The following IQSEC3 variants were observed in gnomAD, a reference collection of about 807,000 sequenced individuals.
IQSEC3 encodes IQ motif and Sec7 domain ArfGEF 3.
Under a neutral mutation model 105.4 loss-of-function variants are expected in IQSEC3, and 50 were observed. That is an observed-to-expected ratio of 0.47 (90% CI 0.38 to 0.60). The LOEUF (loss-of-function observed/expected upper bound fraction) is 0.60. Ranked by LOEUF, IQSEC3 falls within the 20% of genes least tolerant of loss-of-function variation. The probability of loss-of-function intolerance (pLI) is 0.00; values close to 1 mark genes in which losing one functional copy is unlikely to be tolerated. For synonymous variants in IQSEC3, 708 were observed against 746.0 expected, an observed-to-expected ratio of 0.95 and a Z score of 0.83; for missense variants, 1,415 against 1,630.0, an observed-to-expected ratio of 0.87 and a Z score of 2.27.
intron 13 of IQSEC3, among the ~76,000 whole-genome samples, chr12:171,885 T>TGA (rs1262722886): frequency 1.3e-5 from 2 of 152,026 alleles, no homozygotes; most frequent in African/African-American, 4.8e-5. Context: ...TGCCATACAG[T>TGA]GAGGGACTGC....
At chr12:80,946 G>C (rs1318840207) in intron 1 of IQSEC3, among the ~76,000 whole-genome samples, 1 of 152,230 alleles carries the variant, frequency 6.6e-6, no homozygotes. Context: ...AGTAAGACAA[G>C]GGCCGAGAGC....
chr12:133,152 G>A lies in IQSEC3; in HGVS notation c.904-5115G>A, dbSNP rs193301232. Among the ~76,000 whole-genome samples, 13 of 152,296 alleles carry A rather than the reference G, an allele frequency of 8.5e-5. No homozygotes were observed. The East Asian group carries it at 1.2e-3, about 14-fold the overall frequency. On this transcript the variant is annotated intron_variant, in intron 3 of 13. Transcript: ENST00000538872. ...GAGAAGGTATCCACCTGGGGAGCAC[G>A]TTTACAGTGACCTGGAAGGCTCTGA... is the stretch of plus-strand genomic sequence containing the variant.
intron 1 of IQSEC3, among the ~76,000 whole-genome samples, chr12:87,225 G>C (rs1392231462): frequency 2.0e-5 from 3 of 152,128 alleles, no homozygotes; most frequent in African/African-American, 7.2e-5. Flanking sequence ...TCATCAAGCG[G>C]CTGTCAAGCT....
chr12:90,197 T>C (rs1366322264), intron 1 of IQSEC3, among the ~76,000 whole-genome samples: 2 of 152,260 alleles, frequency 1.3e-5, no homozygotes, highest in Non-Finnish European at 2.9e-5. Flanking sequence ...CGTGTGCTTG[T>C]TTGTCCTTAG....
rs144783331 is a variant in IQSEC3 at position 124,157 on chromosome 12, C to T, written c.624-1476C>T. ...ATCCTAGCGCTTTGGGAGGCTGAGG[C>T]GGGTGGATCACCTGAGGTCAGGAGT... On this transcript the variant is annotated intron_variant, in intron 2 of 13. Transcript: ENST00000538872. Among the ~76,000 whole-genome samples, 857 of 152,042 alleles carry T rather than the reference C, an allele frequency of 5.6e-3. 8 individuals are homozygous for T. Among genetic ancestry groups the T allele is most frequent in the Middle Eastern group, 0.031 (9 of 294 alleles).
chr12:89,521 T>G (rs1864018193), intron 1 of IQSEC3, among the ~76,000 whole-genome samples: 1 of 152,236 alleles, frequency 6.6e-6, no homozygotes, highest in Non-Finnish European at 1.5e-5. Flanking sequence ...TGATGAGTTT[T>G]GAAACATTAC....
intron 1 of IQSEC3, among the ~76,000 whole-genome samples, chr12:78,045 C>T (rs1174713168): frequency 6.6e-6 from 1 of 151,176 alleles, no homozygotes; most frequent in Non-Finnish European, 1.5e-5. Context: ...ACAGCCTCCG[C>T]GCGCCCCCGC....
chr12:170,100 G>A (rs572388677), intron 12 of IQSEC3, among the ~76,000 whole-genome samples: 1 of 152,326 alleles, frequency 6.6e-6, no homozygotes, highest in South Asian at 2.1e-4. Context: ...AGCAGGACAT[G>A]GGGCTCTTTT....
chr12:152,875 G>A lies in IQSEC3; in HGVS notation c.2154-4150G>A, dbSNP rs2887340. ...GATGATACACCAGAAAAGACCACCC[G>A]GGAATGTGTGGTGCTCTTTACCTTA... On this transcript the variant is annotated intron_variant, in intron 5 of 13. Coordinates refer to ENST00000538872, the MANE Select transcript of IQSEC3 (RefSeq NM_001170738.2). This position sits in a 1 kb window ranked among gnomAD's most constrained non-coding sequence, Gnocchi z 4.8. Among the ~76,000 whole-genome samples the A allele has an allele frequency of 0.11, 16,535 of 152,126 alleles. 1,152 individuals carry two copies. The highest frequency in any genetic ancestry group is 0.23 in the South Asian group (1,125 of 4,818).
At position 125,922 on chromosome 12, in the gene IQSEC3, G is replaced by A. The variant is rs944119117; in HGVS notation, c.903+10G>A. The stretch of plus-strand genomic sequence containing the variant: ...CCTAAAGAATAAACAGGTACCCAGG[G>A]CCTCCTAGGGGGGCGGGGAGGGTGG... On this transcript the variant is annotated intron_variant, in intron 3 of 13. Coordinates refer to ENST00000538872, the MANE Select transcript of IQSEC3 (RefSeq NM_001170738.2). 36 of 1,530,848 alleles carry A rather than the reference G, an allele frequency of 2.4e-5. No homozygotes were observed. The highest frequency in any genetic ancestry group is 3.0e-5 in the Non-Finnish European group (34 of 1,145,416). 94.8% of individuals were successfully genotyped at this position (1,530,848 alleles called of 1,614,324 possible).
At chr12:70,584 G>A (rs561006019) in intron 1 of IQSEC3, among the ~76,000 whole-genome samples, 120 of 152,328 alleles carry the variant, frequency 7.9e-4, no homozygotes, top group Non-Finnish European at 1.5e-3. Flanking sequence ...GGCATCTACA[G>A]AATTTATTAC....
chr12:150,917 C>T (rs552779049), intron 5 of IQSEC3, among the ~76,000 whole-genome samples: 10 of 152,230 alleles, frequency 6.6e-5, no homozygotes, highest in African/African-American at 2.2e-4. Flanking sequence ...GAAAGAACAC[C>T]TCAAACTTCG....
chr12:138,820 G>C lies in IQSEC3; in HGVS notation c.1457G>C (p.Arg486Pro). ...AGCGGGACCCTCATGATGGCTTTCC[G>C]GGACGTCACGGTGCAGATCGCCAAC... Reference protein sequence around the residue: ...AHSGTLMMAFRDVTVQIANQN... With the variant: ...AHSGTLMMAFPDVTVQIANQN... The change falls in exon 4 of 14, where the codon CGG becomes CCG. Residue 486 changes from arginine to proline, a missense_variant. Transcript: ENST00000538872. The surrounding 1 kb of genome is among the most constrained non-coding windows in gnomAD (Gnocchi z 7.1). 1 of 1,610,534 alleles carries C rather than the reference G, an allele frequency of 6.2e-7. No individual in the cohort carries two copies. The highest frequency in any genetic ancestry group is 8.5e-7 in the Non-Finnish European group (1 of 1,179,104).
chr12:156,972 T>G, intron 5 of IQSEC3, 53 bp from the exon 6 acceptor site: 1 of 1,495,856 alleles, frequency 6.7e-7, no homozygotes, highest in South Asian at 1.4e-5. Flanking sequence ...GAATGGGTGT[T>G]GGAGGGTGCT....
chr12:149,865 C>A (rs782575109), intron 5 of IQSEC3, among the ~76,000 whole-genome samples: 1 of 152,014 alleles, frequency 6.6e-6, no homozygotes, highest in Admixed American at 6.6e-5. Context: ...GCTGGGGAAG[C>A]GGCGAGAGAA....
chr12:172,813 T>G (rs1201425510), intron 13 of IQSEC3, among the ~76,000 whole-genome samples: 2 of 152,188 alleles, frequency 1.3e-5, no homozygotes, highest in African/African-American at 4.8e-5. Flanking sequence ...TGCTTTTCAC[T>G]TACTGACCAC....
chr12:76,181 G>A (rs1555069049), intron 1 of IQSEC3, among the ~76,000 whole-genome samples: 1 of 152,208 alleles, frequency 6.6e-6, no homozygotes, highest in African/African-American at 2.4e-5. Flanking sequence ...TATGAAGGCA[G>A]GAGGGAAAGG....
intron 1 of IQSEC3, among the ~76,000 whole-genome samples, chr12:81,636 G>A (rs1040718963): frequency 3.3e-5 from 5 of 152,158 alleles, no homozygotes; most frequent in African/African-American, 4.8e-5. Context: ...AGCATTTGAC[G>A]GATGGCGTTT....
At chr12:82,047 C>T (rs1302150211) in intron 1 of IQSEC3, among the ~76,000 whole-genome samples, 1 of 152,112 alleles carries the variant, frequency 6.6e-6, no homozygotes, top group African/African-American at 2.4e-5. Context: ...GGAGGAGAGA[C>T]TTTAGAGACA....
Sources: gnomAD v4.1 joint callset for allele counts (sites outside exome capture counted in the v4.1 genomes callset) on GRCh38, gnomAD v4.1.1 for gene constraint, Gnocchi (gnomAD v3.1) non-coding constraint, MANE v1.5 for transcripts, NCBI Gene and HGNC (gene_info 2026-07-23, HGNC 2026-07-21) for gene names.